CPQ: variants seen among roughly 807,000 people sequenced by gnomAD.
CPQ encodes Ser-Met dipeptidase.
Under a neutral mutation model 45.7 loss-of-function variants are expected in CPQ, and 37 were observed. That is an observed-to-expected ratio of 0.81 (90% CI 0.62 to 1.07). CPQ has a LOEUF of 1.07. Among genes scored for constraint, CPQ ranks in the 50% least tolerant of loss-of-function variants. CPQ has a pLI of 0.00. For synonymous variants in CPQ, 186 were observed against 205.8 expected, an observed-to-expected ratio of 0.90 and a Z score of 0.82; for missense variants, 537 against 572.9, an observed-to-expected ratio of 0.94 and a Z score of 0.64.
Position 96,695,290 on chromosome 8 carries a change from C to G in CPQ, c.-35+49888C>G, listed in dbSNP as rs1455802728. 4.1e-5 allele frequency among the ~76,000 whole-genome samples: 6 copies of G among 146,366 alleles called. No individual in the cohort carries two copies. In the South Asian group the frequency reaches 1.3e-3, roughly 32 times the overall value. ...CTTACACCTTATACAAAAATCAATT[C>G]AAGATGGATTAAAGACTTAAACGTT... On this transcript the variant is annotated intron_variant, in intron 1 of 7. Coordinates refer to ENST00000220763, the MANE Select transcript of CPQ (RefSeq NM_016134.4).
intron 5 of CPQ, among the ~76,000 whole-genome samples, chr8:96,997,869 C>G (rs965569634): frequency 2.6e-5 from 4 of 151,964 alleles, no homozygotes; most frequent in Non-Finnish European, 5.9e-5. Context: ...TGAACACTCC[C>G]TGGTGCTAGT....
At chr8:97,014,643 A>T (rs1314255514) in intron 5 of CPQ, among the ~76,000 whole-genome samples, 3 of 138,768 alleles carry the variant, frequency 2.2e-5, no homozygotes, top group Admixed American at 1.4e-4. Flanking sequence ...CTCCATCTCA[A>T]AAAAAAAAAA....
In CPQ at chr8:96,939,575, G is replaced by A. The variant is rs779579026; in HGVS notation, c.850-26360G>A. Among the ~76,000 whole-genome samples, 21 of 152,232 alleles carry A rather than the reference G, an allele frequency of 1.4e-4. 1 individual carries two copies. Among genetic ancestry groups the A allele is most frequent in the Middle Eastern group, 3.4e-3 (1 of 294 alleles). On this transcript the variant is annotated intron_variant, in intron 4 of 7. Coordinates refer to ENST00000220763, the MANE Select transcript of CPQ (RefSeq NM_016134.4). ...TTTTAAAAAGCTTTATAAAATTGCCGTTTTAGTTGTACATAGTCTTTTACA... is the reference window on the plus strand; with the variant it reads ...TTTTAAAAAGCTTTATAAAATTGCCATTTTAGTTGTACATAGTCTTTTACA...
intron 3 of CPQ, among the ~76,000 whole-genome samples, chr8:96,874,786 T>C (rs1207709008): frequency 6.6e-6 from 1 of 151,940 alleles, no homozygotes; most frequent in Non-Finnish European, 1.5e-5. Flanking sequence ...AAAATAATGC[T>C]GCTATGAATA....
At chr8:96,838,145 A>C (rs1185850786) in intron 3 of CPQ, among the ~76,000 whole-genome samples, 1 of 152,136 alleles carries the variant, frequency 6.6e-6, no homozygotes, top group Non-Finnish European at 1.5e-5. Context: ...GTATTTCCAC[A>C]TACATCGTTC....
chr8:96,719,080 C>T (rs949965664), intron 1 of CPQ, among the ~76,000 whole-genome samples: 3 of 152,234 alleles, frequency 2.0e-5, no homozygotes, highest in Non-Finnish European at 4.4e-5. Flanking sequence ...CTGTGCTGTG[C>T]GCTCGCACTC....
intron 4 of CPQ, among the ~76,000 whole-genome samples, chr8:96,958,420 AG>A (rs1306131619): frequency 6.7e-6 from 1 of 150,228 alleles, no homozygotes; most frequent in African/African-American, 2.5e-5. Context: ...GGCTAAATAG[AG>A]GAGGAATTCA....
intron 5 of CPQ, among the ~76,000 whole-genome samples, chr8:96,980,090 A>T (rs1563545205): frequency 6.6e-6 from 1 of 152,118 alleles, no homozygotes; most frequent in African/African-American, 2.4e-5. Flanking sequence ...CTTCTGTGCT[A>T]TCTAGTAGTT....
At chr8:96,929,215 G>T (rs1299496951) in intron 4 of CPQ, among the ~76,000 whole-genome samples, 1 of 152,106 alleles carries the variant, frequency 6.6e-6, no homozygotes, top group African/African-American at 2.4e-5. Flanking sequence ...TGCCTACAAA[G>T]ACCCTTTCAA....
At chr8:96,733,771 A>T (rs1809943600) in intron 1 of CPQ, among the ~76,000 whole-genome samples, 1 of 152,110 alleles carries the variant, frequency 6.6e-6, no homozygotes, top group Admixed American at 6.6e-5. Flanking sequence ...TTTGAAATCT[A>T]GGAGGTATTT....
intron 6 of CPQ, among the ~76,000 whole-genome samples, chr8:97,048,979 G>A (rs1319069659): frequency 6.6e-6 from 1 of 152,126 alleles, no homozygotes; most frequent in Admixed American, 6.5e-5. Flanking sequence ...ATATTCACTT[G>A]TACACAAAGC....
At chr8:96,647,468 G>C (rs1815531159) in intron 1 of CPQ, among the ~76,000 whole-genome samples, 1 of 152,154 alleles carries the variant, frequency 6.6e-6, no homozygotes, top group Non-Finnish European at 1.5e-5. Context: ...CTAAGAGCTA[G>C]ATACTATGGT....
intron 5 of CPQ, among the ~76,000 whole-genome samples, chr8:97,023,022 A>ATATATACAGTATATATATACTATATACAG (rs1329113925): frequency 6.8e-6 from 1 of 146,784 alleles, no homozygotes; most frequent in South Asian, 2.1e-4. Flanking sequence ...TATATAGTAT[A>ATATATACAGTATATATATACTATATACAG]TATATACAGT....
intron 5 of CPQ, among the ~76,000 whole-genome samples, chr8:96,985,580 G>A (rs566512458): frequency 6.6e-6 from 1 of 152,280 alleles, no homozygotes; most frequent in Admixed American, 6.5e-5. Flanking sequence ...TCAGGACAAT[G>A]ACCTGACTGT....
Position 96,928,301 on chromosome 8 carries a change from C to A in CPQ, c.850-37634C>A, listed in dbSNP as rs1261711189. 3.3e-5 allele frequency among the ~76,000 whole-genome samples: 5 copies of A among 151,678 alleles called. No homozygotes were observed. The South Asian group carries it at 1.0e-3, about 32-fold the overall frequency. On this transcript the variant is annotated intron_variant, in intron 4 of 7. Transcript: ENST00000220763. ...TTAAATTAAATGGAGTTAACATTGGCATGGTAGCATAAATCAAACGTCAGG... is the reference window on the plus strand; with the variant it reads ...TTAAATTAAATGGAGTTAACATTGGAATGGTAGCATAAATCAAACGTCAGG...
intron 4 of CPQ, among the ~76,000 whole-genome samples, chr8:96,950,032 T>A (rs532772446): frequency 6.6e-6 from 1 of 152,284 alleles, no homozygotes; most frequent in East Asian, 1.9e-4. Flanking sequence ...TGACCAGAAG[T>A]CTCACCATTA....
intron 4 of CPQ, among the ~76,000 whole-genome samples, chr8:96,920,785 A>C (rs2130910858): frequency 6.6e-6 from 1 of 152,316 alleles, no homozygotes; most frequent in East Asian, 1.9e-4. Flanking sequence ...GTGAAGAGAC[A>C]GAGAACAGGC....
intron 5 of CPQ, among the ~76,000 whole-genome samples, chr8:96,992,154 A>T (rs952175092): frequency 6.6e-6 from 1 of 152,088 alleles, no homozygotes; most frequent in Non-Finnish European, 1.5e-5. Context: ...TTGGTTTTTG[A>T]TGTATGAGTA....
At chr8:96,760,807 A>C (rs1161495737) in intron 1 of CPQ, among the ~76,000 whole-genome samples, 3 of 152,230 alleles carry the variant, frequency 2.0e-5, no homozygotes, top group African/African-American at 7.2e-5. Context: ...ACGCATATTT[A>C]GGAAAATGAT....
Sources: allele counts gnomAD v4.1 joint callset (sites outside exome capture counted in the v4.1 genomes callset), GRCh38; gene constraint gnomAD v4.1.1; transcripts MANE v1.5; gene names NCBI Gene and HGNC (gene_info 2026-07-23, HGNC 2026-07-21).